The following SHANK2 variants were observed in gnomAD, a reference collection of about 807,000 sequenced individuals.
SHANK2 encodes SH3 and multiple ankyrin repeat domains protein 2.
A neutral mutation model predicts 133.7 loss-of-function variants in SHANK2; 43 were observed. The observed-to-expected ratio is 0.32, with a 90% CI of 0.25 to 0.41. SHANK2 has a LOEUF of 0.41. SHANK2 is among the 10% of genes least tolerant of loss of function. SHANK2 has a pLI of 1.00. For missense variants in SHANK2, 1,994 were observed against 2,235.8 expected, an observed-to-expected ratio of 0.89 and a Z score of 2.18; for synonymous variants, 1,017 against 952.8, an observed-to-expected ratio of 1.07 and a Z score of -1.24.
intron 1 of SHANK2, among the ~76,000 whole-genome samples, chr11:71,232,902 T>C (rs1290800138): frequency 1.1e-4 from 16 of 152,160 alleles, no homozygotes; most frequent in African/African-American, 3.6e-4. Flanking sequence ...AAATTTTAAG[T>C]CTTTTTAAAA....
chr11:71,174,167 A>C (rs2135519712), intron 2 of SHANK2, among the ~76,000 whole-genome samples: 1 of 152,366 alleles, frequency 6.6e-6, no homozygotes, highest in Admixed American at 6.5e-5. Flanking sequence ...AGGAGGAAAC[A>C]ATCATGGTAG....
chr11:70,780,456 C>T (rs1947457406), intron 14 of SHANK2, among the ~76,000 whole-genome samples: 1 of 152,142 alleles, frequency 6.6e-6, no homozygotes, highest in Non-Finnish European at 1.5e-5. Context: ...AGTCCAGAAA[C>T]TCCAAGTCAT....
intron 9 of SHANK2, among the ~76,000 whole-genome samples, chr11:71,068,360 T>C (rs959689955): frequency 6.2e-4 from 95 of 152,218 alleles, no homozygotes; most frequent in Non-Finnish European, 8.5e-4. Context: ...CCAGTGTCTG[T>C]AGCAGAAAAG....
At chr11:71,082,190 C>G (rs1446957691) in intron 8 of SHANK2, among the ~76,000 whole-genome samples, 2 of 152,246 alleles carry the variant, frequency 1.3e-5, no homozygotes, top group East Asian at 3.9e-4. Context: ...CTGGCTGGCA[C>G]TGTGGAGCTC....
At chr11:70,524,907 A>G (rs2059376940) in intron 17 of SHANK2, among the ~76,000 whole-genome samples, 1 of 152,254 alleles carries the variant, frequency 6.6e-6, no homozygotes, top group Non-Finnish European at 1.5e-5. Context: ...CACAGGCACG[A>G]GGCTTGGCAG....
chr11:71,135,344 C>T (rs112945753), intron 3 of SHANK2, among the ~76,000 whole-genome samples: 2 of 152,248 alleles, frequency 1.3e-5, no homozygotes, highest in African/African-American at 4.8e-5. Flanking sequence ...GCCCAGCTGC[C>T]CCCCAGGCGC....
intron 11 of SHANK2, among the ~76,000 whole-genome samples, chr11:70,844,165 G>A (rs1265751652): frequency 6.6e-6 from 1 of 152,116 alleles, no homozygotes; most frequent in African/African-American, 2.4e-5. Flanking sequence ...GGACTCTTCT[G>A]GCAGTGTGTT....
intron 14 of SHANK2, among the ~76,000 whole-genome samples, chr11:70,750,618 A>G (rs1463577443): frequency 1.3e-5 from 2 of 152,322 alleles, no homozygotes; most frequent in East Asian, 3.9e-4. Context: ...GGGAGACTGT[A>G]GTGAGGAGGG....
At chr11:71,106,052 A>G (rs1374705400) in intron 6 of SHANK2, among the ~76,000 whole-genome samples, 1 of 152,234 alleles carries the variant, frequency 6.6e-6, no homozygotes, top group African/African-American at 2.4e-5. Context: ...ATACTAAAGC[A>G]AGATATTACT....
At chr11:70,552,308 C>G (rs937629556) in intron 17 of SHANK2, among the ~76,000 whole-genome samples, 1 of 152,160 alleles carries the variant, frequency 6.6e-6, no homozygotes, top group Non-Finnish European at 1.5e-5. Context: ...CTGGGCGCCT[C>G]CAGCCCAGGC....
chr11:70,874,591 G>T (rs1395899139), intron 11 of SHANK2, among the ~76,000 whole-genome samples: 5 of 137,376 alleles, frequency 3.6e-5, no homozygotes, highest in Non-Finnish European at 7.6e-5. Context: ...TATTTTGAAA[G>T]AATGAATGTC....
At chr11:71,218,155 C>T (rs961778935) in intron 2 of SHANK2, among the ~76,000 whole-genome samples, 34 of 151,746 alleles carry the variant, frequency 2.2e-4, no homozygotes, top group African/African-American at 8.2e-4. Flanking sequence ...CCACCATGCC[C>T]GGCCAAGAGG....
intron 15 of SHANK2, among the ~76,000 whole-genome samples, chr11:70,681,648 C>T (rs1030786760): frequency 5.3e-5 from 8 of 152,254 alleles, no homozygotes; most frequent in African/African-American, 7.2e-5. Context: ...GGAGACTGAA[C>T]GGACGCTGGG....
intron 11 of SHANK2, among the ~76,000 whole-genome samples, chr11:70,881,708 G>C (rs1555072452): frequency 1.4e-5 from 2 of 145,746 alleles, no homozygotes. Context: ...GCTCTTTTGA[G>C]TATACTAGAT....
At chr11:70,543,865 T>C (rs965180654) in intron 17 of SHANK2, among the ~76,000 whole-genome samples, 1 of 152,180 alleles carries the variant, frequency 6.6e-6, no homozygotes, top group Non-Finnish European at 1.5e-5. Context: ...AGGTGAGCAG[T>C]GCAGAACTGA....
At chr11:71,067,035 A>G (rs1951072350) in intron 9 of SHANK2, among the ~76,000 whole-genome samples, 1 of 152,188 alleles carries the variant, frequency 6.6e-6, no homozygotes, top group African/African-American at 2.4e-5. Context: ...CCACTCCTGC[A>G]TCTTCTGGCC....
At chr11:71,114,935 G>A (rs1555100056) in intron 4 of SHANK2, among the ~76,000 whole-genome samples, 1 of 152,126 alleles carries the variant, frequency 6.6e-6, no homozygotes, top group Non-Finnish European at 1.5e-5. Flanking sequence ...ACTCAAGGAG[G>A]GAGTGTTTAT....
chr11:70,656,567 T>C (rs782392365), intron 17 of SHANK2, among the ~76,000 whole-genome samples: 28 of 152,128 alleles, frequency 1.8e-4, no homozygotes, highest in Non-Finnish European at 3.2e-4. Context: ...TTTCACAATC[T>C]GGGACGGCTT....
intron 23 of SHANK2, chr11:70,489,962 C>T (rs2058861832): frequency 3.0e-5 from 10 of 330,718 alleles, no homozygotes; most frequent in South Asian, 2.5e-4. Context: ...GGGGGGTTGG[C>T]TCGCACCACC....
Sources: gnomAD v4.1 joint callset for allele counts (sites outside exome capture counted in the v4.1 genomes callset) on GRCh38, gnomAD v4.1.1 for gene constraint, MANE v1.5 for transcripts, NCBI Gene and HGNC (gene_info 2026-07-23, HGNC 2026-07-21) for gene names.